GABRA5: variants seen among roughly 807,000 people sequenced by gnomAD.
The protein encoded by GABRA5 is gamma-aminobutyric acid type A receptor subunit alpha5.
GABRA5 carries 18 observed loss-of-function variants against 47.3 expected under a neutral mutation model. The observed-to-expected ratio is 0.38, with a 90% CI of 0.26 to 0.56. The LOEUF (loss-of-function observed/expected upper bound fraction) is 0.56, where lower values mean the gene tolerates loss of function less well. GABRA5 is among the 20% of genes least tolerant of loss of function. GABRA5 has a pLI of 0.71. For synonymous variants in GABRA5, 237 were observed against 229.3 expected (o/e 1.03, Z -0.30); for missense variants, 365 against 599.3 (o/e 0.61, Z 4.08).
chr15:26,930,203 G>A (rs1349324201), intron 7 of GABRA5, among the ~76,000 whole-genome samples: 4 of 151,902 alleles, frequency 2.6e-5, no homozygotes, highest in Non-Finnish European at 5.9e-5. Flanking sequence ...AGTAAAGACG[G>A]GGTTTCACCA....
At chr15:26,922,551 CTTTATA>C (rs1261206700) in intron 7 of GABRA5, among the ~76,000 whole-genome samples, 1 of 152,062 alleles carries the variant, frequency 6.6e-6, no homozygotes, top group African/African-American at 2.4e-5. Flanking sequence ...TATTTACACT[CTTTATA>C]TTTAATGTAA....
chr15:26,875,266 G>A (rs1312433784), intron 3 of GABRA5, among the ~76,000 whole-genome samples: 1 of 152,176 alleles, frequency 6.6e-6, no homozygotes, highest in African/African-American at 2.4e-5. Flanking sequence ...AGCACAGTAA[G>A]GTCATTGCCT....
intron 6 of GABRA5, among the ~76,000 whole-genome samples, chr15:26,886,734 G>A (rs1264479531): frequency 6.6e-6 from 1 of 152,132 alleles, no homozygotes. Flanking sequence ...GCCAAGGAGA[G>A]GTGAGAACCA....
intron 3 of GABRA5, among the ~76,000 whole-genome samples, chr15:26,878,039 G>A (rs777415717): frequency 6.6e-6 from 1 of 152,206 alleles, no homozygotes; most frequent in Non-Finnish European, 1.5e-5. Context: ...GAAGTGGCGC[G>A]TCGGCGAGTG....
intron 7 of GABRA5, among the ~76,000 whole-genome samples, chr15:26,915,401 TAAAC>T (rs1037528592): frequency 2.0e-5 from 3 of 152,176 alleles, no homozygotes; most frequent in African/African-American, 4.8e-5. Context: ...CTTGAACAAA[TAAAC>T]AAATTATTCA....
At chr15:26,886,023 G>A (rs1432386342) in intron 6 of GABRA5, among the ~76,000 whole-genome samples, 2 of 151,822 alleles carry the variant, frequency 1.3e-5, no homozygotes, top group African/African-American at 4.8e-5. Flanking sequence ...TGCTGTTGTT[G>A]TTGTTGTTGT....
chr15:26,947,655 T>C (rs1393667678), intron 10 of GABRA5, among the ~76,000 whole-genome samples: 1 of 152,178 alleles, frequency 6.6e-6, no homozygotes, highest in Non-Finnish European at 1.5e-5. Flanking sequence ...CTATTGTGAA[T>C]AGTGTTGCAG....
chr15:26,948,207 A>T lies in GABRA5; in HGVS notation c.1363A>T (p.Ile455Leu). The T allele has an allele frequency of 6.2e-7, 1 of 1,612,752 alleles. No homozygotes were observed. ...AACGTATTTGAATAGGGAGCCGGTG[A>T]TAAAAGGAGCCGCCTCTCCAAAATA... ...WATYLNREPV[I>L]KGAASPK The change falls in exon 11 of 11, where the codon ATA becomes TTA. Residue 455 changes from isoleucine (I) to leucine (L), a missense_variant. By Grantham distance (5) the Ile-to-Leu change is conservative. Around this residue, in one of 3 missense-constraint regions of GABRA5, gnomAD observed 106 missense variants for 130.3 expected, o/e 0.81. Coordinates refer to ENST00000335625, the MANE Select transcript of GABRA5 (RefSeq NM_000810.4).
intron 6 of GABRA5, among the ~76,000 whole-genome samples, chr15:26,893,450 C>T (rs1213163488): frequency 0.028 from 1 of 36 alleles, no homozygotes; most frequent in Non-Finnish European, 0.056. Context: ...GTGTGACTGC[C>T]CCTACTCAGG....
At chr15:26,934,331 C>G (rs1165027290) in intron 7 of GABRA5, among the ~76,000 whole-genome samples, 1 of 149,542 alleles carries the variant, frequency 6.7e-6, no homozygotes, top group African/African-American at 2.5e-5. Flanking sequence ...GTTTAGATAA[C>G]TCAAACCCTG....
At chr15:26,881,212 A>C (rs527338505) in intron 4 of GABRA5, among the ~76,000 whole-genome samples, 2 of 152,186 alleles carry the variant, frequency 1.3e-5, no homozygotes, top group African/African-American at 4.8e-5. Context: ...AGCTGGGGGA[A>C]GTGGTCTTCC....
intron 8 of GABRA5, among the ~76,000 whole-genome samples, chr15:26,938,227 C>G (rs1205555641): frequency 6.6e-6 from 1 of 152,166 alleles, no homozygotes; most frequent in African/African-American, 2.4e-5. Context: ...GCGCGCTGGG[C>G]ATCCCTGGGG....
At position 26,937,178 on chromosome 15, in the gene GABRA5, C is replaced by A; in HGVS notation, c.581-7C>A. On this transcript the variant is annotated splice_region_variant and splice_polypyrimidine_tract_variant and intron_variant, in intron 7 of 10. Transcript: ENST00000335625. ...TTTATGTCACTTTCTGCCCCCTCCT[C>A]ATACAGATGCGTACCCTAATTCTGA... 6.2e-7 allele frequency: 1 copy of A among 1,613,932 alleles called. No homozygotes were observed. Among genetic ancestry groups the A allele is most frequent in the South Asian group, 1.1e-5 (1 of 91,076 alleles).
chr15:26,883,777 C>A lies in GABRA5; in HGVS notation c.497+220C>A, dbSNP rs903905754. On this transcript the variant is annotated intron_variant, in intron 6 of 10. Coordinates refer to ENST00000335625, the MANE Select transcript of GABRA5 (RefSeq NM_000810.4). This position sits in a 1 kb window ranked among gnomAD's most constrained non-coding sequence, Gnocchi z 4.8. ...GGTCCGTGGCCGTTTGTCATTTGGACTCGTTTATTCGGTTCAAGCTCAAGA... is the reference window on the plus strand; with the variant it reads ...GGTCCGTGGCCGTTTGTCATTTGGAATCGTTTATTCGGTTCAAGCTCAAGA... Among the ~76,000 whole-genome samples the A allele has an allele frequency of 3.3e-5, 5 of 152,210 alleles. No individual in the cohort carries two copies. The highest frequency in any genetic ancestry group is 7.2e-5 in the African/African-American group (3 of 41,450).
chr15:26,933,749 C>A (rs559465755), intron 7 of GABRA5, among the ~76,000 whole-genome samples: 5 of 152,164 alleles, frequency 3.3e-5, no homozygotes, highest in Non-Finnish European at 7.3e-5. Flanking sequence ...CCCATTTGAT[C>A]TTGGGCAAGG....
At chr15:26,870,399 T>A (rs946695495) in intron 3 of GABRA5, among the ~76,000 whole-genome samples, 7 of 152,208 alleles carry the variant, frequency 4.6e-5, no homozygotes, top group African/African-American at 1.4e-4. Context: ...ATTGGGACTT[T>A]AGTCCACATC....
At chr15:26,889,372 C>CTT (rs111749908) in intron 6 of GABRA5, among the ~76,000 whole-genome samples, 1 of 145,192 alleles carries the variant, frequency 6.9e-6, no homozygotes, top group African/African-American at 2.5e-5. Context: ...GAGCCACTGT[C>CTT]TTTTTTTTTT....
intron 7 of GABRA5, among the ~76,000 whole-genome samples, chr15:26,923,441 T>G (rs553737286): frequency 6.6e-6 from 1 of 152,360 alleles, no homozygotes; most frequent in East Asian, 1.9e-4. Context: ...AGGTTTCTGA[T>G]GAGAAATCTG....
chr15:26,874,090 C>T (rs1018021098), intron 3 of GABRA5, among the ~76,000 whole-genome samples: 2 of 152,170 alleles, frequency 1.3e-5, no homozygotes. Context: ...CACCGACTCC[C>T]TTCAAGGGGA....
Sources: gnomAD v4.1 joint callset for allele counts (sites outside exome capture counted in the v4.1 genomes callset) on GRCh38, gnomAD v4.1.1 for gene constraint, gnomAD v4.1.1 regional missense constraint, Gnocchi (gnomAD v3.1) non-coding constraint, MANE v1.5 for transcripts, NCBI Gene and HGNC (gene_info 2026-07-23, HGNC 2026-07-21) for gene names.